CHODL: variants seen among roughly 807,000 people sequenced by gnomAD.
CHODL encodes the protein transmembrane protein MT75.
A neutral mutation model predicts 34.5 loss-of-function variants in CHODL; 29 were observed. That is an observed-to-expected ratio of 0.84 (90% CI 0.63 to 1.15). The LOEUF (loss-of-function observed/expected upper bound fraction) is 1.15, where lower values mean the gene tolerates loss of function less well. Among genes scored for constraint, CHODL ranks in the 50% most tolerant of loss-of-function variants. The pLI is 0.00. For synonymous variants in CHODL, 125 were observed against 116.1 expected (o/e 1.08, Z -0.49); for missense variants, 332 against 332.5 (o/e 1.00, Z 0.01).
rs202097804 is a variant in CHODL, at chr21:17,927,150, GTA to G, written c.-145+9758_-145+9759del. On this transcript the variant is annotated intron_variant, in intron 1 of 6. Transcript: ENST00000400127. Reference sequence around the variant, plus strand: ...TATATATATGTATATATGTATATATGTATATATATGTATATATGTATATATGT... The same window carrying G: ...TATATATATGTATATATGTATATATGTATATATGTATATATGTATATATGT... Among the ~76,000 whole-genome samples, 195 of 54,580 alleles carry G rather than the reference GTA, an allele frequency of 3.6e-3. 1 individual carries two copies. The highest frequency in any genetic ancestry group is 0.011 in the African/African-American group (162 of 15,146). 35.8% of individuals were successfully genotyped at this position (54,580 alleles called of 152,430 possible). A position where few individuals can be genotyped will look rare whatever the true frequency, so the allele number is the denominator to read the frequency against.
chr21:18,008,932 G>A (rs1451235318), intron 1 of CHODL, among the ~76,000 whole-genome samples: 1 of 151,966 alleles, frequency 6.6e-6, no homozygotes, highest in African/African-American at 2.4e-5. Context: ...TTTTAAAGTG[G>A]GTTTGTTTAT....
intron 1 of CHODL, among the ~76,000 whole-genome samples, chr21:18,254,768 G>A (rs1327652672): frequency 1.3e-5 from 2 of 151,828 alleles, no homozygotes; most frequent in African/African-American, 2.4e-5. Flanking sequence ...AAATATATAC[G>A]ACTTTATTAT....
At chr21:18,073,573 T>G (rs1240047907) in intron 2 of CHODL, among the ~76,000 whole-genome samples, 1 of 152,078 alleles carries the variant, frequency 6.6e-6, no homozygotes, top group Non-Finnish European at 1.5e-5. Flanking sequence ...AATTTCCACC[T>G]TATCTTTTTA....
In CHODL at chr21:18,201,464, C is replaced by CAA. The variant is rs143160487; in HGVS notation, c.-44-55036_-44-55035dup. 7.8e-4 allele frequency among the ~76,000 whole-genome samples: 114 copies of CAA among 146,004 alleles called. 1 individual carries two copies. The highest frequency in any genetic ancestry group is 2.0e-3 in the African/African-American group (79 of 40,226). On this transcript the variant is annotated intron_variant, in intron 2 of 6. Coordinates refer to the CHODL transcript ENST00000400127. ...TATTAATTTGGTGTTAATTTAATAA[C>CAA]AAAAAAAAAAGACTTCTAGTTTGAA...
At chr21:18,063,460 G>A (rs965661895) in intron 2 of CHODL, among the ~76,000 whole-genome samples, 4 of 152,260 alleles carry the variant, frequency 2.6e-5, no homozygotes, top group African/African-American at 9.6e-5. Context: ...GTTCTCATTT[G>A]TGTACAGATT....
chr21:18,183,151 A>G (rs2073401918), intron 2 of CHODL, among the ~76,000 whole-genome samples: 1 of 152,218 alleles, frequency 6.6e-6, no homozygotes, highest in African/African-American at 2.4e-5. Context: ...TTCTCCAAGA[A>G]CACACTTCAC....
At chr21:17,986,183 T>C (rs1193179160) in intron 1 of CHODL, among the ~76,000 whole-genome samples, 1 of 152,206 alleles carries the variant, frequency 6.6e-6, no homozygotes, top group Non-Finnish European at 1.5e-5. Context: ...ATTTTTATTA[T>C]ACTTTAAGTT....
intron 2 of CHODL, among the ~76,000 whole-genome samples, chr21:18,067,319 A>C (rs2064744326): frequency 6.6e-6 from 1 of 152,226 alleles, no homozygotes; most frequent in South Asian, 2.1e-4. Context: ...AGATGTAGTC[A>C]AGTTAAGATG....
At chr21:18,190,981 T>C (rs2073504178) in intron 2 of CHODL, among the ~76,000 whole-genome samples, 1 of 152,276 alleles carries the variant, frequency 6.6e-6, no homozygotes. Flanking sequence ...TCAGTACAAA[T>C]GGTAGGTCAT....
At position 18,091,787 on chromosome 21, in the gene CHODL, G is replaced by A. The variant is rs534267225; in HGVS notation, c.-45+63816G>A. Among the ~76,000 whole-genome samples, 20 of 152,264 alleles carry A rather than the reference G, an allele frequency of 1.3e-4. No homozygotes were observed. The East Asian group carries it at 3.7e-3, about 28-fold the overall frequency. ...TGATGAAAGAGCCCTTGGGCTTTAA[G>A]CAAACATTGCCAGTAGCCTGGCAGA... On this transcript the variant is annotated intron_variant, in intron 2 of 6. Coordinates refer to the CHODL transcript ENST00000400127.
chr21:17,999,553 C>T (rs9305834), intron 1 of CHODL, among the ~76,000 whole-genome samples: 2 of 152,014 alleles, frequency 1.3e-5, no homozygotes, highest in African/African-American at 4.8e-5. Context: ...CCATGGCTGG[C>T]GATGCCTCAC....
At chr21:17,957,220 C>T (rs2063499525) in intron 1 of CHODL, among the ~76,000 whole-genome samples, 1 of 152,164 alleles carries the variant, frequency 6.6e-6, no homozygotes, top group East Asian at 1.9e-4. Flanking sequence ...AATGCTCCAC[C>T]TTGACCACCA....
intron 1 of CHODL, among the ~76,000 whole-genome samples, chr21:18,011,821 A>T (rs533879282): frequency 2.0e-5 from 3 of 152,348 alleles, no homozygotes; most frequent in South Asian, 2.1e-4. Context: ...CAGATTTGCC[A>T]AGAGAGACTT....
intron 2 of CHODL, among the ~76,000 whole-genome samples, chr21:18,175,449 T>G (rs1400383302): frequency 6.6e-6 from 1 of 151,946 alleles, no homozygotes; most frequent in Non-Finnish European, 1.5e-5. Context: ...AAAAATTAGC[T>G]GGGCGTGGTG....
intron 2 of CHODL, among the ~76,000 whole-genome samples, chr21:18,220,406 C>G (rs190967988): frequency 1.5e-4 from 23 of 151,918 alleles, no homozygotes; most frequent in Non-Finnish European, 2.8e-4. Flanking sequence ...TTGTTTGTTT[C>G]TTTCTTTCTC....
chr21:18,256,920 A>ATCAT (rs1402339399), intron 2 of CHODL, 50 bp from the exon 3 acceptor site: 1 of 1,590,700 alleles, frequency 6.3e-7, no homozygotes, highest in Non-Finnish European at 8.6e-7. Context: ...GACAGGCAGA[A>ATCAT]TCATTTAGTA....
chr21:18,043,366 G>A (rs2064400564), intron 2 of CHODL, among the ~76,000 whole-genome samples: 2 of 151,972 alleles, frequency 1.3e-5, no homozygotes, highest in African/African-American at 2.4e-5. Context: ...GAGCATGCCT[G>A]TGAATGAATA....
At chr21:18,260,649 CA>C (rs2074368913) in intron 4 of CHODL, among the ~76,000 whole-genome samples, 3 of 151,848 alleles carry the variant, frequency 2.0e-5, no homozygotes, top group Middle Eastern at 6.8e-3. Context: ...CCCATCTCTG[CA>C]AAAAATACAA....
At chr21:17,954,654 CT>C in intron 1 of CHODL, among the ~76,000 whole-genome samples, 1 of 134,246 alleles carries the variant, frequency 7.4e-6, no homozygotes, top group East Asian at 2.2e-4. Context: ...TGGATTGGAA[CT>C]TGAAGTAAAG....
Sources: gnomAD v4.1 joint callset for allele counts (sites outside exome capture counted in the v4.1 genomes callset) on GRCh38, gnomAD v4.1.1 for gene constraint, MANE v1.5 for transcripts, NCBI Gene and HGNC (gene_info 2026-07-23, HGNC 2026-07-21) for gene names.